The following CSMD1 variants were observed in gnomAD, a reference collection of about 807,000 sequenced individuals.
CSMD1 encodes the protein CUB and Sushi multiple domains 1, also known as CUB and sushi domain-containing protein 1.
In CSMD1, 213 loss-of-function variants were observed where a neutral mutation model predicts 417.5. The ratio of observed to expected loss-of-function variants is 0.51; its 90% CI spans 0.46 to 0.57. The LOEUF is 0.57. Ranked by LOEUF, CSMD1 falls within the 20% of genes least tolerant of loss-of-function variation. CSMD1 has a pLI of 0.00. For missense variants in CSMD1, 6,923 were observed against 4,529.7 expected, an observed-to-expected ratio of 1.53 and a Z score of -15.17; for synonymous variants, 2,862 against 1,736.8, an observed-to-expected ratio of 1.65 and a Z score of -16.11.
At chr8:4,660,102 T>G (rs1219719343) in intron 1 of CSMD1, among the ~76,000 whole-genome samples, 2 of 134,042 alleles carry the variant, frequency 1.5e-5, no homozygotes, top group Non-Finnish European at 3.1e-5. Context: ...AATTGGGAGT[T>G]CTCAACCAGT....
intron 50 of CSMD1, among the ~76,000 whole-genome samples, chr8:3,030,028 G>A (rs904821588): frequency 4.0e-5 from 6 of 151,804 alleles, no homozygotes; most frequent in Admixed American, 2.6e-4. Flanking sequence ...AAATACATAG[G>A]CATACTGCAC....
intron 26 of CSMD1, among the ~76,000 whole-genome samples, chr8:3,236,067 A>G (rs978420467): frequency 4.6e-5 from 7 of 151,652 alleles, no homozygotes; most frequent in South Asian, 2.1e-4. Context: ...ACAGGCGCCT[A>G]CCACCACACC....
chr8:4,035,771 A>G (rs1238383574), intron 3 of CSMD1, among the ~76,000 whole-genome samples: 1 of 152,232 alleles, frequency 6.6e-6, no homozygotes, highest in Non-Finnish European at 1.5e-5. Flanking sequence ...GTAACGTTAT[A>G]CTAAGCTTAA....
intron 7 of CSMD1, among the ~76,000 whole-genome samples, chr8:3,617,706 G>C (rs747384275): frequency 6.6e-6 from 1 of 152,160 alleles, no homozygotes; most frequent in African/African-American, 2.4e-5. Context: ...GAAAAGATGT[G>C]TCAAGAACCT....
At chr8:3,759,900 G>C (rs1214718396) in intron 5 of CSMD1, among the ~76,000 whole-genome samples, 1 of 77,282 alleles carries the variant, frequency 1.3e-5, no homozygotes, top group Non-Finnish European at 2.7e-5. Flanking sequence ...CTGAGAGACT[G>C]TCTCAAAAAA....
At chr8:4,090,610 A>C (rs1325525501) in intron 3 of CSMD1, among the ~76,000 whole-genome samples, 1 of 152,238 alleles carries the variant, frequency 6.6e-6, no homozygotes, top group Non-Finnish European at 1.5e-5. Context: ...GTGATACACG[A>C]ATTCTCAGAA....
chr8:4,702,422 T>C (rs1467248336), intron 1 of CSMD1, among the ~76,000 whole-genome samples: 2 of 152,192 alleles, frequency 1.3e-5, no homozygotes, highest in African/African-American at 4.8e-5. Context: ...CAACCTTGAG[T>C]AAGATGACAT....
At chr8:4,239,817 C>A (rs1802284354) in intron 3 of CSMD1, among the ~76,000 whole-genome samples, 1 of 152,140 alleles carries the variant, frequency 6.6e-6, no homozygotes, top group African/African-American at 2.4e-5. Flanking sequence ...GATATTTACA[C>A]AATTTCTGCC....
intron 3 of CSMD1, among the ~76,000 whole-genome samples, chr8:4,119,344 A>G (rs1802346766): frequency 6.6e-6 from 1 of 152,212 alleles, no homozygotes; most frequent in African/African-American, 2.4e-5. Flanking sequence ...CATCCACAGC[A>G]GGGAATGCTA....
chr8:3,600,512 TA>T, intron 8 of CSMD1, among the ~76,000 whole-genome samples: 1 of 152,304 alleles, frequency 6.6e-6, no homozygotes, highest in East Asian at 1.9e-4. Context: ...TGTCAAAGAC[TA>T]CCACTCAGAG....
chr8:4,352,489 AG>A (rs1319975865), intron 3 of CSMD1, among the ~76,000 whole-genome samples: 2 of 152,242 alleles, frequency 1.3e-5, no homozygotes, highest in African/African-American at 2.4e-5. Flanking sequence ...ACATATTTTC[AG>A]TGAATCAAGT....
chr8:2,974,415 T>A (rs1452949902), intron 56 of CSMD1, 36 bp downstream of exon 56: 13 of 1,469,372 alleles, frequency 8.8e-6, no homozygotes, highest in Non-Finnish European at 1.1e-5. Context: ...TTATTTGAAA[T>A]CTGTAATTCT....
At chr8:3,870,642 C>G (rs920045484) in intron 5 of CSMD1, among the ~76,000 whole-genome samples, 1 of 152,052 alleles carries the variant, frequency 6.6e-6, no homozygotes, top group Non-Finnish European at 1.5e-5. Context: ...GAAATGGGAT[C>G]TACTTATTTT....
chr8:4,515,508 G>C lies in CSMD1; in HGVS notation c.303-95443C>G, dbSNP rs187594781. On this transcript the variant is annotated intron_variant, in intron 2 of 69. Transcript: ENST00000635120. The stretch of plus-strand genomic sequence containing the variant: ...GAAATATGAGCTTAAAGAAATACAC[G>C]GTTTTATTAAAAACTTCATACAGTT... Among the ~76,000 whole-genome samples the C allele has an allele frequency of 7.0e-4, 107 of 152,140 alleles. 1 individual carries two copies. In the East Asian group the frequency reaches 0.02, roughly 28 times the overall value.
intron 5 of CSMD1, among the ~76,000 whole-genome samples, chr8:3,845,548 G>C (rs1007184932): frequency 2.0e-5 from 3 of 152,130 alleles, no homozygotes; most frequent in Non-Finnish European, 4.4e-5. Context: ...AAGTTGCTCT[G>C]GGTGTCAGTG....
intron 3 of CSMD1, among the ~76,000 whole-genome samples, chr8:4,092,048 A>G (rs1051160351): frequency 8.5e-5 from 13 of 152,272 alleles, no homozygotes; most frequent in Middle Eastern, 6.8e-3. Context: ...GAAGGGGGCA[A>G]TTTTATTTCA....
At chr8:4,190,463 C>T (rs1043280646) in intron 3 of CSMD1, among the ~76,000 whole-genome samples, 1 of 151,430 alleles carries the variant, frequency 6.6e-6, no homozygotes, top group Non-Finnish European at 1.5e-5. Flanking sequence ...GAGCCTAACA[C>T]TATTAGAGTA....
intron 3 of CSMD1, among the ~76,000 whole-genome samples, chr8:4,354,624 G>A (rs1425115177): frequency 6.6e-6 from 1 of 151,970 alleles, no homozygotes; most frequent in Non-Finnish European, 1.5e-5. Context: ...ATAAGAACGT[G>A]TCTACTCAAA....
intron 18 of CSMD1, among the ~76,000 whole-genome samples, chr8:3,377,432 C>A (rs892344251): frequency 6.6e-6 from 1 of 152,128 alleles, no homozygotes; most frequent in East Asian, 1.9e-4. Flanking sequence ...ACATTTATAT[C>A]GACAGACAAT....
Sources: allele counts gnomAD v4.1 joint callset (sites outside exome capture counted in the v4.1 genomes callset), GRCh38; gene constraint gnomAD v4.1.1; transcripts MANE v1.5; gene names NCBI Gene and HGNC (gene_info 2026-07-23, HGNC 2026-07-21).